Variants in ATP8A1 observed in about 807,000 individuals in gnomAD.
ATP8A1 encodes ATPase phospholipid transporting 8A1.
Under a neutral mutation model 177.7 loss-of-function variants are expected in ATP8A1, and 90 were observed. The ratio of observed to expected loss-of-function variants is 0.51; its 90% confidence interval spans 0.43 to 0.60. The LOEUF (loss-of-function observed/expected upper bound fraction) is 0.60, where lower values mean the gene tolerates loss of function less well. ATP8A1 is among the 20% of genes least tolerant of loss of function. The pLI, the probability that ATP8A1 is intolerant of heterozygous loss-of-function variation, is 0.00. For missense variants in ATP8A1, 1,072 were observed against 1,392.8 expected (o/e 0.77, Z 3.67); for synonymous variants, 493 against 485.9 (o/e 1.01, Z -0.19).
Position 42,549,049 on chromosome 4 carries a change from T to TC in ATP8A1, c.1615dup (p.Glu539GlyfsTer4). The TC allele has an allele frequency of 6.2e-7, 1 of 1,612,062 alleles. No homozygotes were observed. Among genetic ancestry groups the TC allele is most frequent in the Middle Eastern group, 1.7e-4 (1 of 6,058 alleles). ...CAAGACATTGAGCAATTCATATCTT[T>TC]CTTCCTGCCCCAGCTAAGAAGAAAA... On this transcript the variant is annotated frameshift_variant, in exon 19 of 37. Transcript: ENST00000381668. LOFTEE classifies it high-confidence loss of function.
chr4:42,581,148 T>A (rs1301254880), intron 10 of ATP8A1, among the ~76,000 whole-genome samples: 1 of 152,112 alleles, frequency 6.6e-6, no homozygotes, highest in Non-Finnish European at 1.5e-5. Context: ...TTTATTTTTT[T>A]TTTGAGACGG....
intron 25 of ATP8A1, among the ~76,000 whole-genome samples, chr4:42,474,628 C>T (rs56271637): frequency 0.54 from 81,354 of 151,862 alleles, 22,276 homozygotes; most frequent in East Asian, 0.81. Context: ...GACAGACCCC[C>T]GAATGCCACC....
At chr4:42,555,139 A>ATCTATCTATCT (rs1553903246) in intron 16 of ATP8A1, among the ~76,000 whole-genome samples, 53 of 59,524 alleles carry the variant, frequency 8.9e-4, no homozygotes, top group Non-Finnish European at 1.1e-3. Context: ...CTATCTATCT[A>ATCTATCTATCT]ATCTATCTAT....
chr4:42,504,636 C>G (rs888255133), intron 23 of ATP8A1, among the ~76,000 whole-genome samples: 2 of 152,244 alleles, frequency 1.3e-5, no homozygotes, highest in Non-Finnish European at 2.9e-5. Flanking sequence ...CATATTTCCC[C>G]TGGATTAATG....
chr4:42,470,021 T>C (rs1460247147), intron 25 of ATP8A1, among the ~76,000 whole-genome samples: 2 of 152,262 alleles, frequency 1.3e-5, no homozygotes, highest in Non-Finnish European at 2.9e-5. Context: ...GAGATTGTTT[T>C]ATTTTAACCA....
At chr4:42,471,474 G>A (rs964062667) in intron 25 of ATP8A1, among the ~76,000 whole-genome samples, 2 of 152,210 alleles carry the variant, frequency 1.3e-5, no homozygotes, top group Non-Finnish European at 2.9e-5. Context: ...TGTGGTTATA[G>A]GTAAACGTAC....
At chr4:42,488,644 G>C (rs1014075034) in intron 24 of ATP8A1, among the ~76,000 whole-genome samples, 1 of 152,108 alleles carries the variant, frequency 6.6e-6, no homozygotes, top group Admixed American at 6.5e-5. Context: ...TCCTTAAAAT[G>C]GCATGTAAGG....
chr4:42,539,826 G>A (rs1728208814), intron 20 of ATP8A1, among the ~76,000 whole-genome samples: 1 of 151,970 alleles, frequency 6.6e-6, no homozygotes, highest in Non-Finnish European at 1.5e-5. Context: ...ACAAACATAA[G>A]ACTCAAACTT....
At chr4:42,600,658 T>C (rs943818160) in intron 5 of ATP8A1, 140 bp from the exon 6 acceptor site, 1 of 707,784 alleles carries the variant, frequency 1.4e-6, no homozygotes, top group Non-Finnish European at 2.3e-6. Flanking sequence ...CTAATTATGA[T>C]AGCAAGAATA....
At chr4:42,555,826 A>ATAAC (rs201546496) in intron 16 of ATP8A1, 142 bp downstream of exon 16, 31,236 of 560,800 alleles carry the variant, frequency 0.056, 1,211 homozygotes, top group South Asian at 0.1. Flanking sequence ...TCTGTCTCAA[A>ATAAC]TAACTAACTA....
At chr4:42,543,656 A>G (rs1403665297) in intron 20 of ATP8A1, among the ~76,000 whole-genome samples, 1 of 152,208 alleles carries the variant, frequency 6.6e-6, no homozygotes, top group Non-Finnish European at 1.5e-5. Context: ...CAATTTATAT[A>G]GTATAAACCT....
chr4:42,586,077 C>A (rs540129873), intron 9 of ATP8A1, among the ~76,000 whole-genome samples: 4 of 152,112 alleles, frequency 2.6e-5, no homozygotes, highest in African/African-American at 9.7e-5. Context: ...TGTTTACCCA[C>A]GAAACAATGT....
chr4:42,532,449 G>A lies in ATP8A1; in HGVS notation c.1723-7602C>T, dbSNP rs553187669. Among the ~76,000 whole-genome samples, 3 of 151,990 alleles carry A rather than the reference G, an allele frequency of 2.0e-5. No homozygotes were observed. In the East Asian group the frequency reaches 5.8e-4, roughly 29 times the overall value. Reference sequence around the variant, plus strand: ...TGTAGTGAGCTGAGATCGTGCCACTGTACTCCAGTCTGGGTGACAAACTCC... The same window carrying A: ...TGTAGTGAGCTGAGATCGTGCCACTATACTCCAGTCTGGGTGACAAACTCC... On this transcript the variant is annotated intron_variant, in intron 20 of 36. Transcript: ENST00000381668.
chr4:42,521,421 T>C (rs992858969), intron 22 of ATP8A1, among the ~76,000 whole-genome samples: 4 of 152,306 alleles, frequency 2.6e-5, no homozygotes, highest in Non-Finnish European at 5.9e-5. Flanking sequence ...GATTAATAGA[T>C]GAAAGTGCTA....
chr4:42,560,962 C>T (rs1730755904), intron 15 of ATP8A1, among the ~76,000 whole-genome samples: 2 of 152,064 alleles, frequency 1.3e-5, no homozygotes, highest in African/African-American at 2.4e-5. Context: ...TCATATGTAG[C>T]TTTAACTTGT....
In ATP8A1 at chr4:42,639,135, C is replaced by G. The variant is rs150256126; in HGVS notation, c.50-12026G>C. 2.0e-3 allele frequency among the ~76,000 whole-genome samples: 300 copies of G among 152,150 alleles called. 1 individual carries two copies. The highest frequency in any genetic ancestry group is 6.6e-3 in the African/African-American group (274 of 41,506). Reference sequence around the variant, plus strand: ...GTAATTGTGGAAGGCCCTGACAAGGCGGGGAGGTGGTCAGGGAGGGTTGAA... The same window carrying G: ...GTAATTGTGGAAGGCCCTGACAAGGGGGGGAGGTGGTCAGGGAGGGTTGAA... On this transcript the variant is annotated intron_variant, in intron 1 of 36. Transcript: ENST00000381668.
chr4:42,465,981 G>A (rs1038972063), intron 25 of ATP8A1, among the ~76,000 whole-genome samples: 7 of 137,208 alleles, frequency 5.1e-5, no homozygotes, highest in African/African-American at 1.9e-4. Flanking sequence ...GCAGTGAGCC[G>A]AGATCGTGCC....
intron 35 of ATP8A1, among the ~76,000 whole-genome samples, chr4:42,417,563 A>C (rs1398615913): frequency 2.0e-5 from 3 of 152,234 alleles, no homozygotes; most frequent in African/African-American, 7.2e-5. Flanking sequence ...GAATATAAAG[A>C]TAACATGTTT....
intron 8 of ATP8A1, among the ~76,000 whole-genome samples, chr4:42,587,000 T>C (rs1714644694): frequency 6.6e-6 from 1 of 152,194 alleles, no homozygotes; most frequent in African/African-American, 2.4e-5. Context: ...TCTGTGATGA[T>C]CTAGTTCCAA....
Sources: allele counts gnomAD v4.1 joint callset (sites outside exome capture counted in the v4.1 genomes callset), GRCh38; gene constraint gnomAD v4.1.1; transcripts MANE v1.5; gene names NCBI Gene and HGNC (gene_info 2026-07-23, HGNC 2026-07-21).